Variants in ATP2C2 observed in about 807,000 individuals in gnomAD.
The protein encoded by ATP2C2 is ATPase secretory pathway Ca2+ transporting 2.
ATP2C2 carries 171 observed loss-of-function variants against 110.8 expected under a neutral mutation model. That is an observed-to-expected ratio of 1.54 (90% CI 1.36 to 1.75). ATP2C2 has a LOEUF of 1.75. Among genes scored for constraint, ATP2C2 ranks in the 40% most tolerant of loss-of-function variants. ATP2C2 has a pLI of 0.00. For synonymous variants in ATP2C2, 804 were observed against 508.4 expected (o/e 1.58, Z -7.82); for missense variants, 1,963 against 1,235.0 (o/e 1.59, Z -8.84).
rs2241640 is a variant in ATP2C2 at position 84,460,669 on chromosome 16, C to T, written c.2349C>T (p.Pro783=). 727,238 of 1,613,830 alleles carry T rather than the reference C, an allele frequency of 0.45. 166,198 individuals carry two copies. The highest frequency in any genetic ancestry group is 0.69 in the East Asian group (30,947 of 44,872). ...GPPAQSLGVE[P]VDKDAFRQPP... ...TTCGGAGCAGCTTGGGGGTAGAGCCCGTTGACAAAGACGCCTTCAGGCAGC... is the reference window on the plus strand; with the variant it reads ...TTCGGAGCAGCTTGGGGGTAGAGCCTGTTGACAAAGACGCCTTCAGGCAGC... The change falls in exon 24 of 27, where the codon CCC becomes CCT. Residue 783 remains proline (P), a synonymous_variant. Coordinates refer to ENST00000262429, the MANE Select transcript of ATP2C2 (RefSeq NM_014861.4).
Position 84,462,086 on chromosome 16 carries a change from C to T in ATP2C2, c.2679C>T (p.Pro893=). 2.5e-6 allele frequency: 4 copies of T among 1,614,080 alleles called. No individual in the cohort carries two copies. Among genetic ancestry groups the T allele is most frequent in the Admixed American group, 1.7e-5 (1 of 60,024 alleles). The change falls in exon 26 of 27, where the codon CCC becomes CCT. Residue 893 remains proline, a synonymous_variant. Coordinates refer to ENST00000262429, the MANE Select transcript of ATP2C2 (RefSeq NM_014861.4). The stretch of plus-strand genomic sequence containing the variant: ...GGCAGCTGGCGGTCATTTACATCCC[C>T]CCGCTGCAGAGGGTCTTCCAGACGG... ...ILGQLAVIYI[P]PLQRVFQTEN...
rs1910983203 is a variant in ATP2C2 at position 84,459,103 on chromosome 16, GCT to G, written c.2148-12_2148-11del. 5 of 1,613,826 alleles carry G rather than the reference GCT, an allele frequency of 3.1e-6. No homozygotes were observed. The highest frequency in any genetic ancestry group is 1.7e-5 in the Admixed American group (1 of 60,010). On this transcript the variant is annotated splice_polypyrimidine_tract_variant and intron_variant, in intron 21 of 26. Coordinates refer to ENST00000262429, the MANE Select transcript of ATP2C2 (RefSeq NM_014861.4). Reference sequence around the variant, plus strand: ...CGCAGGCCCGCTCCGTGAGTAAATGGCTCTCTTCTCTTGCAGGAATGCAGTGG... The same window carrying G: ...CGCAGGCCCGCTCCGTGAGTAAATGGCTCTTCTCTTGCAGGAATGCAGTGG...
chr16:84,413,185 C>T (rs540010647), intron 6 of ATP2C2, among the ~76,000 whole-genome samples: 7 of 151,688 alleles, frequency 4.6e-5, no homozygotes, highest in African/African-American at 7.3e-5. Flanking sequence ...CCATTTCCAA[C>T]ATTTGGCAAA....
intron 1 of ATP2C2, among the ~76,000 whole-genome samples, chr16:84,386,502 C>A (rs892556832): frequency 1.3e-5 from 2 of 152,208 alleles, no homozygotes; most frequent in Non-Finnish European, 2.9e-5. Flanking sequence ...CACCACTCTG[C>A]CTAGCCGTCT....
chr16:84,446,365 A>G lies in ATP2C2; in HGVS notation c.1438A>G (p.Lys480Glu). 1 of 1,604,354 alleles carries G rather than the reference A, an allele frequency of 6.2e-7. No homozygotes were observed. Among genetic ancestry groups the G allele is most frequent in the Non-Finnish European group, 8.5e-7 (1 of 1,176,594 alleles). ...LSDIKNSYIR[K>E]KEIPFSSEQK... ...TGATATTAAAAATTCATATATAAGA[A>G]AAAAAGAGATTCCATTCAGTTCAGA... is the stretch of plus-strand genomic sequence containing the variant. Residue 480 changes from lysine to glutamate, a missense_variant, in exon 16 of 27, where the codon AAA (lysine) becomes GAA (glutamate). Physicochemically the swap from Lys to Glu is moderately conservative, Grantham distance 56 (BLOSUM62 1). Transcript: ENST00000262429.
At chr16:84,430,486 C>G (rs1258608400) in intron 11 of ATP2C2, among the ~76,000 whole-genome samples, 1 of 151,928 alleles carries the variant, frequency 6.6e-6, no homozygotes, top group Non-Finnish European at 1.5e-5. Context: ...ACTAAAAATA[C>G]AAAAATCAGC....
rs564293649 is a variant in ATP2C2, at chr16:84,412,941, A to T, written c.515+2176A>T. Among the ~76,000 whole-genome samples the T allele has an allele frequency of 2.1e-4, 11 of 51,362 alleles. No individual in the cohort carries two copies. The South Asian group carries it at 2.5e-3, about 12-fold the overall frequency. 33.7% of individuals were successfully genotyped at this position (51,362 alleles called of 152,430 possible). On this transcript the variant is annotated intron_variant, in intron 6 of 26. Coordinates refer to ENST00000262429, the MANE Select transcript of ATP2C2 (RefSeq NM_014861.4). ...TGAAACTCTGTCTCTACTAAAAATT[A>T]AAAAAAAATTAGCTGGGCATGGTGG...
At chr16:84,461,848 GC>G in intron 25 of ATP2C2, 36 bp downstream of exon 25, 1 of 1,609,490 alleles carries the variant, frequency 6.2e-7, no homozygotes, top group South Asian at 1.1e-5. Context: ...CTGCAGAGCT[GC>G]TGTGTGTTCT....
At chr16:84,436,410 C>A (rs540305792) in intron 11 of ATP2C2, among the ~76,000 whole-genome samples, 15 of 152,226 alleles carry the variant, frequency 9.9e-5, no homozygotes, top group African/African-American at 2.9e-4. Context: ...ATTTCCTGGG[C>A]AGCCTGGCCC....
chr16:84,400,002 GC>G (rs1819075862), intron 2 of ATP2C2, among the ~76,000 whole-genome samples: 1 of 151,566 alleles, frequency 6.6e-6, no homozygotes, highest in African/African-American at 2.4e-5. Flanking sequence ...GCGAGAACCT[GC>G]AAAGTTTGCC....
chr16:84,424,599 T>TTTTTTTTA (rs376880864), intron 10 of ATP2C2, among the ~76,000 whole-genome samples: 4 of 131,306 alleles, frequency 3.0e-5, no homozygotes, highest in Admixed American at 7.8e-5. Context: ...TTTTTTTTTT[T>TTTTTTTTA]AACATTTTGG....
At position 84,369,075 on chromosome 16, in the gene ATP2C2, G is replaced by A. The variant is rs147746049; in HGVS notation, c.99+361G>A. On this transcript the variant is annotated intron_variant, in intron 1 of 26. Coordinates refer to ENST00000262429, the MANE Select transcript of ATP2C2 (RefSeq NM_014861.4). ...GGTCTCCAGACTTGGGCTGCTTTAT[G>A]GATTTTTAAAACTTAAATTGGAAAA... Among the ~76,000 whole-genome samples the A allele has an allele frequency of 6.0e-4, 92 of 152,314 alleles. 1 individual carries two copies. Among genetic ancestry groups the A allele is most frequent in the African/African-American group, 2.0e-3 (84 of 41,572 alleles).
chr16:84,422,528 G>A lies in ATP2C2; in HGVS notation c.763G>A (p.Gly255Arg), dbSNP rs1380000889. Residue 255 changes from glycine to arginine, a missense_variant, in exon 8 of 27, where the codon GGG becomes AGG. By Grantham distance (125) the Gly-to-Arg change is moderately radical. Transcript: ENST00000262429. The part of the protein sequence containing the change: ...IVFMGTLVQY[G>R]RGQGVVIGTG... ...CTTCATGGGGACCCTGGTGCAGTAT[G>A]GGAGGGGCCAGGTAAGCCCTGGGAC... 1 of 1,613,894 alleles carries A rather than the reference G, an allele frequency of 6.2e-7. No individual in the cohort carries two copies. Among genetic ancestry groups the A allele is most frequent in the Non-Finnish European group, 8.5e-7 (1 of 1,179,980 alleles).
At chr16:84,430,816 T>C (rs1340363115) in intron 11 of ATP2C2, among the ~76,000 whole-genome samples, 3 of 152,048 alleles carry the variant, frequency 2.0e-5, no homozygotes, top group African/African-American at 7.3e-5. Flanking sequence ...AGGCTTACAC[T>C]AGCACAACTT....
At chr16:84,383,409 T>C (rs776824074) in intron 1 of ATP2C2, among the ~76,000 whole-genome samples, 3 of 152,012 alleles carry the variant, frequency 2.0e-5, no homozygotes, top group Non-Finnish European at 2.9e-5. Context: ...GATAGAGGAG[T>C]GAAGGTGCGC....
At chr16:84,392,377 G>C (rs1327901662) in intron 1 of ATP2C2, among the ~76,000 whole-genome samples, 2 of 152,144 alleles carry the variant, frequency 1.3e-5, no homozygotes, top group African/African-American at 4.8e-5. Context: ...GCTTCACGCT[G>C]GTTTATTCAA....
intron 1 of ATP2C2, among the ~76,000 whole-genome samples, chr16:84,371,450 A>G (rs1909949220): frequency 6.6e-6 from 1 of 152,200 alleles, no homozygotes; most frequent in Admixed American, 6.5e-5. Flanking sequence ...GGCTGCAGTG[A>G]GTTGTGATCA....
At chr16:84,391,936 C>T (rs1904689174) in intron 1 of ATP2C2, among the ~76,000 whole-genome samples, 1 of 149,918 alleles carries the variant, frequency 6.7e-6, no homozygotes, top group Non-Finnish European at 1.5e-5. Context: ...TAAAACAAAA[C>T]TAGGATTATA....
intron 11 of ATP2C2, among the ~76,000 whole-genome samples, chr16:84,433,556 G>A (rs1162501443): frequency 1.3e-5 from 2 of 152,064 alleles, no homozygotes; most frequent in Non-Finnish European, 2.9e-5. Context: ...AGGGGCTGAG[G>A]CAGGAGAATC....
Sources: allele counts gnomAD v4.1 joint callset (sites outside exome capture counted in the v4.1 genomes callset), GRCh38; gene constraint gnomAD v4.1.1; transcripts MANE v1.5; gene names NCBI Gene and HGNC (gene_info 2026-07-23, HGNC 2026-07-21).